The following MCC variants were observed in gnomAD, a reference collection of about 807,000 sequenced individuals.
The protein encoded by MCC is MCC regulator of Wnt signaling pathway.
Under a neutral mutation model 116.2 loss-of-function variants are expected in MCC, and 90 were observed. The ratio of observed to expected loss-of-function variants is 0.77; its 90% CI spans 0.65 to 0.92. The LOEUF is 0.92. Ranked by LOEUF, MCC falls within the 40% of genes least tolerant of loss-of-function variation. The pLI is 0.00. For synonymous variants in MCC, 578 were observed against 510.5 expected (o/e 1.13, Z -1.78); for missense variants, 1,516 against 1,312.2 (o/e 1.16, Z -2.40).
At chr5:113,465,917 G>A (rs1372110157) in intron 1 of MCC, among the ~76,000 whole-genome samples, 3 of 151,756 alleles carry the variant, frequency 2.0e-5, no homozygotes, top group Admixed American at 2.0e-4. Context: ...ACTCTGAAAA[G>A]CAATTAGGAA....
In MCC at chr5:113,366,519, G is replaced by A. The variant is rs550028139; in HGVS notation, c.415+18449C>T. Among the ~76,000 whole-genome samples, 13 of 152,198 alleles carry A rather than the reference G, an allele frequency of 8.5e-5. No individual in the cohort carries two copies. In the South Asian group the frequency reaches 2.5e-3, roughly 29 times the overall value. ...GGTAGAATACTTCTGTTCAACCTAAGCCAGAATATATAGCCCTCTAGGCTT... is the reference window on the plus strand; with the variant it reads ...GGTAGAATACTTCTGTTCAACCTAAACCAGAATATATAGCCCTCTAGGCTT... On this transcript the variant is annotated intron_variant, in intron 2 of 18. Coordinates refer to ENST00000408903, the MANE Select transcript of MCC (RefSeq NM_001085377.2).
At chr5:113,348,688 GA>G (rs1288988237) in intron 2 of MCC, among the ~76,000 whole-genome samples, 1 of 151,470 alleles carries the variant, frequency 6.6e-6, no homozygotes, top group African/African-American at 2.4e-5. Context: ...AAATTAGTAG[GA>G]AAAAATAATT....
intron 3 of MCC, among the ~76,000 whole-genome samples, chr5:113,184,606 G>A (rs928999365): frequency 5.9e-5 from 9 of 151,356 alleles, no homozygotes; most frequent in African/African-American, 1.7e-4. Context: ...AGGATTATAG[G>A]TGTGCACAAC....
chr5:113,085,074 G>A (rs1755110906), intron 9 of MCC, 90 bp downstream of exon 9: 3 of 1,574,336 alleles, frequency 1.9e-6, no homozygotes, highest in South Asian at 2.2e-5. Context: ...TCTCAGCTAA[G>A]GGCATGCCTG....
chr5:113,067,734 G>A (rs111574032), intron 13 of MCC, among the ~76,000 whole-genome samples: 3,210 of 152,394 alleles, frequency 0.021, 97 homozygotes, highest in African/African-American at 0.066. Flanking sequence ...TGTGGCGGCA[G>A]CATGTGCCTT....
At chr5:113,259,884 G>C (rs762188281) in intron 3 of MCC, among the ~76,000 whole-genome samples, 1 of 151,962 alleles carries the variant, frequency 6.6e-6, no homozygotes, top group Non-Finnish European at 1.5e-5. Flanking sequence ...CACTGTACTA[G>C]GTACCACAGA....
intron 3 of MCC, among the ~76,000 whole-genome samples, chr5:113,337,987 C>T (rs536031883): frequency 2.4e-3 from 370 of 152,210 alleles, no homozygotes; most frequent in Non-Finnish European, 3.9e-3. Flanking sequence ...ATCACTCTCA[C>T]GTATCTGACA....
At chr5:113,256,982 T>C (rs1016825845) in intron 3 of MCC, among the ~76,000 whole-genome samples, 1 of 152,176 alleles carries the variant, frequency 6.6e-6, no homozygotes, top group African/African-American at 2.4e-5. Context: ...AGGAAAAGAA[T>C]CTGGCAGGAG....
At position 113,434,665 on chromosome 5, in the gene MCC, G is replaced by T; in HGVS notation, c.171-49453C>A. On this transcript the variant is annotated intron_variant, in intron 1 of 18. Coordinates refer to ENST00000408903, the MANE Select transcript of MCC (RefSeq NM_001085377.2). The surrounding 1 kb of genome is among the most constrained non-coding windows in gnomAD (Gnocchi z 4.2). Reference sequence around the variant, plus strand: ...AACATGGCCAGAATCTCAATTTCCCGGGGAAGGAATTTCTCCAAGAAGTCT... The same window carrying T: ...AACATGGCCAGAATCTCAATTTCCCTGGGAAGGAATTTCTCCAAGAAGTCT... 1 of 1,613,944 alleles carries T rather than the reference G, an allele frequency of 6.2e-7. No individual in the cohort carries two copies. The highest frequency in any genetic ancestry group is 8.5e-7 in the Non-Finnish European group (1 of 1,179,892).
At chr5:113,253,976 C>G (rs1163572082) in intron 3 of MCC, among the ~76,000 whole-genome samples, 1 of 152,036 alleles carries the variant, frequency 6.6e-6, no homozygotes, top group Non-Finnish European at 1.5e-5. Context: ...AGAGTAAATC[C>G]AGGAAGCCTA....
chr5:113,240,605 G>A (rs537877201), intron 3 of MCC, among the ~76,000 whole-genome samples: 8 of 152,280 alleles, frequency 5.3e-5, no homozygotes, highest in Non-Finnish European at 8.8e-5. Context: ...ACTATTTACA[G>A]CAAGGATGGT....
intron 3 of MCC, among the ~76,000 whole-genome samples, chr5:113,319,445 C>G (rs13361060): frequency 1.3e-5 from 2 of 152,218 alleles, no homozygotes. Flanking sequence ...CTATTTGATG[C>G]CATGTGGTGT....
intron 3 of MCC, among the ~76,000 whole-genome samples, chr5:113,245,934 G>A (rs1426262238): frequency 6.6e-6 from 1 of 152,200 alleles, no homozygotes; most frequent in Non-Finnish European, 1.5e-5. Flanking sequence ...GGCTTCTCAT[G>A]ACACTGAGGC....
chr5:113,482,670 A>C (rs374715421), intron 1 of MCC, among the ~76,000 whole-genome samples: 14 of 152,248 alleles, frequency 9.2e-5, no homozygotes, highest in African/African-American at 3.1e-4. Flanking sequence ...TCAGATGTAC[A>C]ATTTGTAAAT....
At chr5:113,129,869 A>G (rs967602326) in intron 5 of MCC, among the ~76,000 whole-genome samples, 8 of 152,234 alleles carry the variant, frequency 5.3e-5, no homozygotes, top group Non-Finnish European at 1.0e-4. Context: ...AAATAGGAAC[A>G]CTTTTACACT....
At chr5:113,411,739 G>A (rs1769998396) in intron 1 of MCC, among the ~76,000 whole-genome samples, 1 of 152,128 alleles carries the variant, frequency 6.6e-6, no homozygotes, top group Non-Finnish European at 1.5e-5. Context: ...CACTCTGATG[G>A]TAGTTTCTTT....
chr5:113,331,486 C>T (rs1299608984), intron 3 of MCC, among the ~76,000 whole-genome samples: 1 of 151,704 alleles, frequency 6.6e-6, no homozygotes, highest in Non-Finnish European at 1.5e-5. Context: ...TTTGTGTGTC[C>T]TTAGGTGGAT....
intron 3 of MCC, among the ~76,000 whole-genome samples, chr5:113,268,394 A>T (rs2150351829): frequency 6.6e-6 from 1 of 152,314 alleles, no homozygotes; most frequent in Middle Eastern, 3.4e-3. Context: ...CTGCTTACAG[A>T]AAGGCCCTTA....
chr5:113,141,404 A>C (rs1759173406), intron 5 of MCC, among the ~76,000 whole-genome samples: 1 of 152,210 alleles, frequency 6.6e-6, no homozygotes, highest in South Asian at 2.1e-4. Context: ...ACATGAGCCA[A>C]TCTTCCTAAT....
Sources: allele counts gnomAD v4.1 joint callset (sites outside exome capture counted in the v4.1 genomes callset), GRCh38; gene constraint gnomAD v4.1.1; non-coding constraint Gnocchi (gnomAD v3.1); transcripts MANE v1.5; gene names NCBI Gene and HGNC (gene_info 2026-07-23, HGNC 2026-07-21).